Variants in OTUD6B observed in about 807,000 individuals in gnomAD.
OTUD6B encodes the protein OTU deubiquitinase 6B.
Under a neutral mutation model 36.9 loss-of-function variants are expected in OTUD6B, and 41 were observed. That is an observed-to-expected ratio of 1.11 (90% CI 0.87 to 1.44). The LOEUF is 1.44. OTUD6B is among the 40% of genes most tolerant of loss of function. The probability of loss-of-function intolerance (pLI) is 0.00; values close to 1 mark genes in which losing one functional copy is unlikely to be tolerated. For synonymous variants in OTUD6B, 114 were observed against 114.2 expected (o/e 1.00, Z 0.01); for missense variants, 356 against 344.8 (o/e 1.03, Z -0.26).
chr8:91,081,145 G>GA lies in OTUD6B; in HGVS notation c.690+425dup, dbSNP rs79315249. On this transcript the variant is annotated intron_variant, in intron 5 of 6. Transcript: ENST00000404789. ...AAATATCTTTTTTACATCAGAAATG[G>GA]AAAAAAAAAATTATGTGAAATTATA... Among the ~76,000 whole-genome samples, 310 of 149,884 alleles carry GA rather than the reference G, an allele frequency of 2.1e-3. 6 individuals carry two copies. Among genetic ancestry groups the GA allele is most frequent in the Non-Finnish European group, 3.5e-3 (235 of 67,332 alleles).
Position 91,078,491 on chromosome 8 carries a change from CAG to C in OTUD6B, c.453_454del (p.Gln151HisfsTer4), listed in dbSNP as rs867360521. The C allele has an allele frequency of 6.2e-7, 1 of 1,608,370 alleles. No individual in the cohort carries two copies. Among genetic ancestry groups the C allele is most frequent in the African/African-American group, 1.3e-5 (1 of 74,794 alleles). On this transcript the variant is annotated frameshift_variant, in exon 4 of 7. Transcript: ENST00000404789. LOFTEE classifies it high-confidence loss of function. ...ILAARQLEIK[Q>X]IPSDGHCMYK... Reference sequence around the variant, plus strand: ...GGCAGCTAGACAGTTAGAAATTAAACAGATTCCATCTGATGGCCACTGTATGT... The same window carrying C: ...GGCAGCTAGACAGTTAGAAATTAAACATTCCATCTGATGGCCACTGTATGT...
intron 3 of OTUD6B, among the ~76,000 whole-genome samples, chr8:91,075,880 A>T (rs1040625346): frequency 6.6e-6 from 1 of 152,150 alleles, no homozygotes; most frequent in African/African-American, 2.4e-5. Context: ...GAAAAACGTG[A>T]TAAAACTTTG....
rs765027683 is a variant in OTUD6B at position 91,073,886 on chromosome 8, G to A, written c.290G>A (p.Arg97Gln). 10 of 1,592,758 alleles carry A rather than the reference G, an allele frequency of 6.3e-6. No homozygotes were observed. The highest frequency in any genetic ancestry group is 2.7e-5 in the African/African-American group (2 of 74,486). The change falls in exon 3 of 7, where the codon CGG (arginine) becomes CAG (glutamine). Residue 97 changes from arginine to glutamine, a missense_variant. Arg to Gln is a conservative substitution (Grantham distance 43). Transcript: ENST00000404789. Reference sequence around the variant, plus strand: ...TTGGTGCTTGAGAATCAGCCACCTCGGATATCAAAAGCACAAAAGAGACGG... The same window carrying A: ...TTGGTGCTTGAGAATCAGCCACCTCAGATATCAAAAGCACAAAAGAGACGG... ...SNLVLENQPP[R>Q]ISKAQKRREK...
chr8:91,070,963 G>A, intron 1 of OTUD6B, 175 bp from the exon 2 acceptor site: 2 of 615,190 alleles, frequency 3.3e-6, no homozygotes, highest in Non-Finnish European at 4.0e-6. Context: ...TTTTTTTTTT[G>A]GTCTCAGCTT....
At chr8:91,082,823 C>T (rs1318843619) in intron 5 of OTUD6B, among the ~76,000 whole-genome samples, 1 of 142,160 alleles carries the variant, frequency 7.0e-6, no homozygotes. Flanking sequence ...GTGATCTTGG[C>T]TCACTGCAAC....
rs1474543196 is a variant in OTUD6B, at chr8:91,071,243, A to C, written c.188A>C (p.His63Pro). The C allele has an allele frequency of 2.5e-6, 4 of 1,613,838 alleles. No individual in the cohort carries two copies. The highest frequency in any genetic ancestry group is 3.4e-6 in the Non-Finnish European group (4 of 1,179,838). The change falls in exon 2 of 7, where the codon CAT becomes CCT. Residue 63 changes from histidine to proline, a missense_variant. His to Pro is a moderately conservative substitution (Grantham distance 77). Transcript: ENST00000404789. ...TTGGAAAAAGAAATGGAACAGAAAC[A>C]TAGAGAGGAACTGGAGCAATTGAAG... ...AKLEKEMEQK[H>P]REELEQLKLT...
chr8:91,083,916 G>A (rs957629451), intron 5 of OTUD6B, 92 bp from the exon 6 acceptor site: 64 of 1,501,388 alleles, frequency 4.3e-5, no homozygotes, highest in African/African-American at 1.1e-4. Context: ...TGAACACAGC[G>A]TATCCCTGCT....
intron 4 of OTUD6B, 94 bp from the exon 5 acceptor site, chr8:91,080,575 C>T (rs943130996): frequency 6.7e-7 from 1 of 1,494,568 alleles, no homozygotes; most frequent in Non-Finnish European, 8.9e-7. Flanking sequence ...ATAACTTGGG[C>T]ATTTTTGTCA....
intron 6 of OTUD6B, 74 bp downstream of exon 6, chr8:91,084,188 A>G (rs1812964402): frequency 2.3e-6 from 2 of 860,810 alleles, no homozygotes; most frequent in African/African-American, 1.7e-5. Context: ...AATTTAGATT[A>G]TATGTGTTAA....
chr8:91,081,695 A>G (rs1812911473), intron 5 of OTUD6B, among the ~76,000 whole-genome samples: 1 of 152,206 alleles, frequency 6.6e-6, no homozygotes, highest in Admixed American at 6.5e-5. Context: ...TATAATGATG[A>G]TTAATCATCA....
chr8:91,076,583 C>T, intron 3 of OTUD6B: 1 of 1,529,698 alleles, frequency 6.5e-7, no homozygotes, highest in Non-Finnish European at 8.7e-7. Flanking sequence ...AACTTTTATT[C>T]TGATTCAGGT....
intron 3 of OTUD6B, among the ~76,000 whole-genome samples, chr8:91,075,913 C>T (rs1436467450): frequency 6.6e-6 from 1 of 151,994 alleles, no homozygotes; most frequent in Non-Finnish European, 1.5e-5. Context: ...TTAAGAATAT[C>T]GTGGAATATT....
intron 2 of OTUD6B, 101 bp from the exon 3 acceptor site, chr8:91,073,730 T>C: frequency 2.9e-6 from 4 of 1,386,332 alleles, no homozygotes; most frequent in Non-Finnish European, 3.8e-6. Context: ...ATACAGTGTC[T>C]ATTGCTGTTA....
rs78878086 is a variant in OTUD6B, at chr8:91,072,828, T to A, written c.235-1003T>A. Among the ~76,000 whole-genome samples the A allele has an allele frequency of 9.4e-3, 1,438 of 152,344 alleles. 34 individuals carry two copies. The highest frequency in any genetic ancestry group is 0.033 in the African/African-American group (1,384 of 41,570). ...GGACAAAAATGTTTGATTCATAAGC[T>A]ACATGGAGTCCTACTGTTAAAACAC... On this transcript the variant is annotated intron_variant, in intron 2 of 6. Coordinates refer to ENST00000404789, the MANE Select transcript of OTUD6B (RefSeq NM_016023.5).
At chr8:91,078,103 A>G (rs1812834188) in intron 3 of OTUD6B, 1 of 253,564 alleles carries the variant, frequency 3.9e-6, no homozygotes, top group African/African-American at 2.3e-5. Flanking sequence ...GCCTTTAAGT[A>G]GACTTTAAAG....
At chr8:91,076,902 G>C (rs1303382430) in intron 3 of OTUD6B, among the ~76,000 whole-genome samples, 2 of 151,982 alleles carry the variant, frequency 1.3e-5, no homozygotes, top group Non-Finnish European at 2.9e-5. Context: ...TTTTATTAGG[G>C]AGATATTACT....
intron 5 of OTUD6B, among the ~76,000 whole-genome samples, chr8:91,082,147 G>A (rs751013786): frequency 3.9e-5 from 6 of 151,994 alleles, no homozygotes; most frequent in South Asian, 2.1e-4. Context: ...AGTTTGGTTC[G>A]CATCCTCTAT....
chr8:91,080,442 G>GAAA, intron 4 of OTUD6B: 1 of 444,266 alleles, frequency 2.3e-6, no homozygotes, highest in Non-Finnish European at 3.0e-6. Flanking sequence ...AACAGAAGAA[G>GAAA]AAAAGCAGAA....
intron 5 of OTUD6B, among the ~76,000 whole-genome samples, chr8:91,081,362 G>A (rs1290481060): frequency 7.3e-6 from 1 of 137,664 alleles, no homozygotes; most frequent in Non-Finnish European, 1.6e-5. Context: ...TGTTAACTTT[G>A]TTTTGTTAAA....
Sources: allele counts gnomAD v4.1 joint callset (sites outside exome capture counted in the v4.1 genomes callset), GRCh38; gene constraint gnomAD v4.1.1; transcripts MANE v1.5; gene names NCBI Gene and HGNC (gene_info 2026-07-23, HGNC 2026-07-21).